Variants in CEP76 observed in about 807,000 individuals in gnomAD.
CEP76 encodes the protein centrosomal protein 76, also known as centrosomal protein of 76 kDa.
In CEP76, 55 loss-of-function variants were observed where a neutral mutation model predicts 83.3. The observed-to-expected ratio is 0.66, with a 90% CI of 0.53 to 0.83. The LOEUF (loss-of-function observed/expected upper bound fraction) is 0.83, where lower values mean the gene tolerates loss of function less well. Ranked by LOEUF, CEP76 falls within the 40% of genes least tolerant of loss-of-function variation. The pLI is 0.00. For synonymous variants in CEP76, 270 were observed against 274.5 expected, an observed-to-expected ratio of 0.98 and a Z score of 0.16; for missense variants, 694 against 799.5, an observed-to-expected ratio of 0.87 and a Z score of 1.59.
chr18:12,683,186 C>CAAAGAAAAAAAAA (rs2039410734), intron 8 of CEP76, among the ~76,000 whole-genome samples: 1 of 63,662 alleles, frequency 1.6e-5, no homozygotes, highest in Non-Finnish European at 3.1e-5. Flanking sequence ...CTAAAAATAC[C>CAAAGAAAAAAAAA]AAAAAAAAAA....
Position 12,702,553 on chromosome 18 carries a change from G to A in CEP76, c.-5C>T, listed in dbSNP as rs2040197133. ...TTTCTCCGGAGGCAGCGACATGCTG[G>A]CAGCCGGCGTCTCCCCGCCGCTTCT... On this transcript the variant is annotated 5_prime_UTR_variant, in exon 1 of 12. Transcript: ENST00000262127. The A allele has an allele frequency of 1.4e-5, 22 of 1,583,100 alleles. No homozygotes were observed. The highest frequency in any genetic ancestry group is 1.7e-5 in the Non-Finnish European group (20 of 1,166,714).
chr18:12,683,310 A>C (rs2145030645), intron 8 of CEP76, among the ~76,000 whole-genome samples: 1 of 150,682 alleles, frequency 6.6e-6, no homozygotes, highest in East Asian at 2.0e-4. Context: ...CGAGATCGTG[A>C]CACTGCACTC....
chr18:12,667,033 C>A (rs2038818038), intron 12 of CEP76, among the ~76,000 whole-genome samples: 1 of 151,294 alleles, frequency 6.6e-6, no homozygotes, highest in Admixed American at 6.6e-5. Context: ...ACAACAACAA[C>A]CAAACAAAAA....
chr18:12,701,873 G>A (rs2040165015), intron 1 of CEP76, among the ~76,000 whole-genome samples: 5 of 152,212 alleles, frequency 3.3e-5, no homozygotes, highest in Admixed American at 2.6e-4. Flanking sequence ...GCTCACGCCT[G>A]TAATCCCAGC....
intron 4 of CEP76, among the ~76,000 whole-genome samples, chr18:12,697,939 T>G (rs2040012443): frequency 6.6e-6 from 1 of 152,162 alleles, no homozygotes; most frequent in African/African-American, 2.4e-5. Context: ...GTGAAGACAT[T>G]CTGAAACTTT....
At chr18:12,683,646 G>T (rs1305249836) in intron 8 of CEP76, among the ~76,000 whole-genome samples, 1 of 151,670 alleles carries the variant, frequency 6.6e-6, no homozygotes, top group African/African-American at 2.4e-5. Flanking sequence ...AGCTACTAGG[G>T]AGGCTGAGGC....
intron 11 of CEP76, among the ~76,000 whole-genome samples, chr18:12,674,261 AC>A (rs1367668628): frequency 6.6e-6 from 1 of 151,520 alleles, no homozygotes; most frequent in Non-Finnish European, 1.5e-5. Context: ...ACATAGGAAG[AC>A]CCCCATCTCT....
intron 5 of CEP76, among the ~76,000 whole-genome samples, chr18:12,695,882 A>ACACACACACC (rs2039938878): frequency 6.6e-6 from 1 of 151,752 alleles, no homozygotes; most frequent in African/African-American, 2.4e-5. Flanking sequence ...ACACACACAC[A>ACACACACACC]CACTAAAAAT....
intron 12 of CEP76, among the ~76,000 whole-genome samples, chr18:12,666,740 C>T (rs1194062465): frequency 6.6e-6 from 1 of 150,668 alleles, no homozygotes; most frequent in African/African-American, 2.5e-5. Flanking sequence ...TCAGTCACCA[C>T]ACCCGGCCAA....
At chr18:12,674,932 TAG>T (rs1334425853) in intron 10 of CEP76, among the ~76,000 whole-genome samples, 179 bp from the exon 11 acceptor site, 2 of 152,070 alleles carry the variant, frequency 1.3e-5, no homozygotes, top group Non-Finnish European at 2.9e-5. Flanking sequence ...AAAGGAACTA[TAG>T]GTGATCAGAT....
chr18:12,689,175 G>A (rs546966174), intron 7 of CEP76, among the ~76,000 whole-genome samples: 1 of 152,058 alleles, frequency 6.6e-6, no homozygotes, highest in Non-Finnish European at 1.5e-5. Flanking sequence ...AATTTTTTTG[G>A]CCTGGATATG....
intron 1 of CEP76, 58 bp downstream of exon 1, chr18:12,702,428 C>A: frequency 1.5e-6 from 2 of 1,352,096 alleles, no homozygotes; most frequent in African/African-American, 1.5e-5. Flanking sequence ...GGCCGCCGGG[C>A]AGGAGGGAAA....
chr18:12,674,812 T>G (rs771253766), intron 10 of CEP76, 59 bp from the exon 11 acceptor site: 71 of 1,060,598 alleles, frequency 6.7e-5, no homozygotes, highest in Non-Finnish European at 9.1e-5. Context: ...TAAAACCAAC[T>G]AAATAAAAAT....
intron 2 of CEP76, among the ~76,000 whole-genome samples, chr18:12,700,588 A>G (rs929291511): frequency 6.6e-5 from 10 of 152,186 alleles, no homozygotes; most frequent in African/African-American, 2.4e-4. Flanking sequence ...ATAATCCCAA[A>G]AGAGTGCTTA....
rs185806634 is a variant in CEP76 at position 12,674,757 on chromosome 18, T to C, written c.1624-4A>G. The C allele has an allele frequency of 4.0e-5, 63 of 1,590,068 alleles. No individual in the cohort carries two copies. The African/African-American group carries it at 7.4e-4, about 19-fold the overall frequency. ...AAACAGTAGTGAGGCCAAGATCCTATGAGCAATCAAGAGAAAAAGAAAAAG... is the reference window on the plus strand; with the variant it reads ...AAACAGTAGTGAGGCCAAGATCCTACGAGCAATCAAGAGAAAAAGAAAAAG... On this transcript the variant is annotated splice_region_variant and splice_polypyrimidine_tract_variant and intron_variant, in intron 10 of 11. Coordinates refer to ENST00000262127, the MANE Select transcript of CEP76 (RefSeq NM_024899.4).
At chr18:12,690,939 G>GC (rs56296606) in intron 7 of CEP76, among the ~76,000 whole-genome samples, 35,848 of 148,218 alleles carry the variant, frequency 0.24, 4,717 homozygotes, top group Non-Finnish European at 0.32. Context: ...TATGCCCAGA[G>GC]CCCCCCCCCG....
intron 4 of CEP76, among the ~76,000 whole-genome samples, chr18:12,698,249 AAC>A (rs1238115521): frequency 5.9e-4 from 89 of 151,904 alleles, no homozygotes; most frequent in African/African-American, 1.9e-3. Context: ...TATTTATTTA[AAC>A]AGAGTCTCAC....
Position 12,702,620 on chromosome 18 carries a change from AG to A in CEP76, c.-73del. The A allele has an allele frequency of 6.6e-7, 1 of 1,504,436 alleles. No individual in the cohort carries two copies. Among genetic ancestry groups the A allele is most frequent in the Non-Finnish European group, 8.9e-7 (1 of 1,120,064 alleles). The allele number at this position is 1,504,436 out of a possible 1,614,324, so 93.2% of individuals were successfully genotyped here. A position where few individuals can be genotyped will look rare whatever the true frequency, so the allele number is the denominator to read the frequency against. On this transcript the variant is annotated 5_prime_UTR_variant, in exon 1 of 12. Transcript: ENST00000262127. ...CTAACTGCGCGGCCCCGGCCGGGCC[AG>A]GGAGCGTTAGGAGCGACTGGAGCAC... is the stretch of plus-strand genomic sequence containing the variant.
In CEP76 at chr18:12,666,894, T is replaced by C. The variant is rs551812100; in HGVS notation, c.*1728-4725A>G. Among the ~76,000 whole-genome samples the C allele has an allele frequency of 5.9e-5, 9 of 152,312 alleles. No individual in the cohort carries two copies. The South Asian group carries it at 8.3e-4, about 14-fold the overall frequency. The stretch of plus-strand genomic sequence containing the variant: ...ACATCTTTAATCCAAACATCAGTTT[T>C]ATTAATATATTGACAAAAAAAGTAA... On this transcript the variant is annotated intron_variant and NMD_transcript_variant, in intron 12 of 12. Coordinates refer to the CEP76 transcript ENST00000590143.
Sources: gnomAD v4.1 joint callset for allele counts (sites outside exome capture counted in the v4.1 genomes callset) on GRCh38, gnomAD v4.1.1 for gene constraint, MANE v1.5 for transcripts, NCBI Gene and HGNC (gene_info 2026-07-23, HGNC 2026-07-21) for gene names.